TDRD9: variants seen among roughly 807,000 people sequenced by gnomAD.
TDRD9 encodes ATP-dependent RNA helicase TDRD9.
Under a neutral mutation model 172.6 loss-of-function variants are expected in TDRD9, and 124 were observed. That is an observed-to-expected ratio of 0.72 (90% CI 0.62 to 0.83). TDRD9 has a LOEUF of 0.83. Among genes scored for constraint, TDRD9 ranks in the 40% least tolerant of loss-of-function variants. TDRD9 has a pLI of 0.00. For missense variants in TDRD9, 1,479 were observed against 1,714.1 expected, an observed-to-expected ratio of 0.86 and a Z score of 2.42; for synonymous variants, 619 against 617.1, an observed-to-expected ratio of 1.00 and a Z score of -0.05.
Position 103,965,159 on chromosome 14 carries a change from C to T in TDRD9, c.421-174C>T, listed in dbSNP as rs142091194. Reference sequence around the variant, plus strand: ...CTCAGGAGACAGAGGTTGCAGTGAGCCGAGATTGCGCCCCTGCACTCCAGG... The same window carrying T: ...CTCAGGAGACAGAGGTTGCAGTGAGTCGAGATTGCGCCCCTGCACTCCAGG... On this transcript the variant is annotated intron_variant, in intron 3 of 35. Coordinates refer to ENST00000409874, the MANE Select transcript of TDRD9 (RefSeq NM_153046.3). Among the ~76,000 whole-genome samples the T allele has an allele frequency of 7.1e-3, 1,082 of 152,160 alleles. 11 individuals carry two copies. Among genetic ancestry groups the T allele is most frequent in the African/African-American group, 0.025 (1,019 of 41,510 alleles).
chr14:103,953,134 ATTG>A (rs1006664744), intron 1 of TDRD9, among the ~76,000 whole-genome samples: 17 of 152,164 alleles, frequency 1.1e-4, no homozygotes, highest in African/African-American at 3.9e-4. Context: ...AAAGTCAGAT[ATTG>A]TTATTTCTCT....
rs913468065 is a variant in TDRD9 at position 104,006,696 on chromosome 14, C to G, written c.1930C>G (p.Leu644Val). The G allele has an allele frequency of 1.9e-6, 3 of 1,613,806 alleles. No individual in the cohort carries two copies. The African/African-American group carries it at 4.0e-5, about 22-fold the overall frequency. Residue 644 changes from leucine to valine, a missense_variant, in exon 17 of 36, where the codon CTC (leucine) becomes GTC (valine). Around this residue, in one of 3 missense-constraint regions of TDRD9, gnomAD observed 1,413 missense variants for 1,649.1 expected, o/e 0.86. Transcript: ENST00000409874. ...NFFAMPFRQH[L>V]DGYRNKVNFS... is the part of the protein sequence containing the mutation. ...TTTTGCAATGCCTTTCCGGCAGCATCTCGATGGATATAGGTACTGAACATT... is the reference window on the plus strand; with the variant it reads ...TTTTGCAATGCCTTTCCGGCAGCATGTCGATGGATATAGGTACTGAACATT...
Position 103,965,390 on chromosome 14 carries a change from G to A in TDRD9, c.478G>A (p.Gly160Ser), listed in dbSNP as rs1292971815. 2 of 1,551,692 alleles carry A rather than the reference G, an allele frequency of 1.3e-6. No homozygotes were observed. Among genetic ancestry groups the A allele is most frequent in the Non-Finnish European group, 1.7e-6 (2 of 1,147,002 alleles). The change falls in exon 4 of 36, where the codon GGT becomes AGT. Residue 160 changes from glycine (G) to serine (S), a missense_variant. By Grantham distance (56) the Gly-to-Ser change is moderately conservative. Coordinates refer to ENST00000409874, the MANE Select transcript of TDRD9 (RefSeq NM_153046.3). ...GATTATCCATGGGGCCACGGGAAGC[G>A]GTAAAAGCACTCAGCTCCCGCAGTA... is the stretch of plus-strand genomic sequence containing the variant. ...VVIIHGATGS[G>S]KSTQLPQYIL...
intron 32 of TDRD9, among the ~76,000 whole-genome samples, chr14:104,039,721 T>C (rs1041717933): frequency 2.0e-5 from 3 of 152,190 alleles, no homozygotes; most frequent in African/African-American, 7.2e-5. Flanking sequence ...AAAACTGGGA[T>C]ACAAAACTTT....
chr14:103,979,282 C>T (rs192989656), intron 7 of TDRD9, among the ~76,000 whole-genome samples: 1 of 152,304 alleles, frequency 6.6e-6, no homozygotes, highest in African/African-American at 2.4e-5. Flanking sequence ...CTTTCTCCAT[C>T]TGTTGTACAC....
chr14:104,018,186 G>A lies in TDRD9; in HGVS notation c.2426G>A (p.Gly809Asp). The change falls in exon 23 of 36, where the codon GGT becomes GAT. Residue 809 changes from glycine to aspartate, a missense_variant. By Grantham distance (94) the Gly-to-Asp change is moderately conservative (BLOSUM62 -1). This residue lies in a region of TDRD9 where 1,413 missense variants were observed against 1,649.1 expected (regional missense o/e 0.86). Coordinates refer to ENST00000409874, the MANE Select transcript of TDRD9 (RefSeq NM_153046.3). ...CGQVKSIVFD[G>D]AKAFVEFSRN... ...CAAGTCAAATCCATTGTATTTGATG[G>A]TGCAAAGTAAGTATATTTTTGTAAT... 1 of 1,570,788 alleles carries A rather than the reference G, an allele frequency of 6.4e-7. No individual in the cohort carries two copies. Among genetic ancestry groups the A allele is most frequent in the Non-Finnish European group, 8.7e-7 (1 of 1,145,644 alleles).
chr14:104,044,119 G>A (rs1048098957), intron 34 of TDRD9, among the ~76,000 whole-genome samples: 5 of 152,070 alleles, frequency 3.3e-5, no homozygotes, highest in African/African-American at 9.7e-5. Context: ...CTTGTCTTCC[G>A]GGAGGTACCC....
intron 5 of TDRD9, among the ~76,000 whole-genome samples, chr14:103,968,223 G>A (rs2032839696): frequency 6.6e-6 from 1 of 152,222 alleles, no homozygotes; most frequent in African/African-American, 2.4e-5. Flanking sequence ...ACTGGGGAGC[G>A]GTAACCAACA....
intron 1 of TDRD9, among the ~76,000 whole-genome samples, chr14:103,948,769 G>A (rs2031708011): frequency 6.6e-6 from 1 of 151,844 alleles, no homozygotes; most frequent in Non-Finnish European, 1.5e-5. Context: ...TACTTAGGAG[G>A]CTGAGATGGG....
At chr14:103,930,117 C>T (rs2030278463) in intron 1 of TDRD9, among the ~76,000 whole-genome samples, 2 of 152,138 alleles carry the variant, frequency 1.3e-5, no homozygotes, top group African/African-American at 4.8e-5. Flanking sequence ...TGGAGTATCT[C>T]CGTCACTCTT....
At position 104,032,180 on chromosome 14, in the gene TDRD9, G is replaced by GTTGGAATGTGTTATCTTTTCTT. The variant is rs1213886495; in HGVS notation, c.3509+96_3509+117dup. The GTTGGAATGTGTTATCTTTTCTT allele has an allele frequency of 1.4e-5, 10 of 738,646 alleles. No homozygotes were observed. The African/African-American group carries it at 1.9e-4, about 14-fold the overall frequency. 45.8% of individuals were successfully genotyped at this position (738,646 alleles called of 1,614,324 possible). On this transcript the variant is annotated intron_variant, in intron 30 of 35. Transcript: ENST00000409874. ...AATAATGTATCTTTATATCTAAACT[G>GTTGGAATGTGTTATCTTTTCTT]TTGGAATGTGTTATCTTTTCTTTTC...
At chr14:103,954,379 T>A (rs1233499408) in intron 1 of TDRD9, among the ~76,000 whole-genome samples, 1 of 152,264 alleles carries the variant, frequency 6.6e-6, no homozygotes, top group Non-Finnish European at 1.5e-5. Flanking sequence ...GTATCTATTA[T>A]GTCTCCTTCA....
chr14:103,968,390 A>T (rs1416059127), intron 5 of TDRD9, among the ~76,000 whole-genome samples: 1 of 152,240 alleles, frequency 6.6e-6, no homozygotes, highest in East Asian at 1.9e-4. Context: ...CGTTTGCATT[A>T]TCTGGGATTA....
At chr14:104,008,339 A>G (rs1159772307) in intron 19 of TDRD9, 74 bp from the exon 20 acceptor site, 3 of 878,262 alleles carry the variant, frequency 3.4e-6, no homozygotes, top group Admixed American at 2.3e-5. Flanking sequence ...TGGATGAAAT[A>G]TGTATTAAAG....
intron 4 of TDRD9, among the ~76,000 whole-genome samples, 168 bp from the exon 5 acceptor site, chr14:103,966,541 A>G (rs893544708): frequency 9.9e-5 from 15 of 151,580 alleles, no homozygotes; most frequent in African/African-American, 3.6e-4. Context: ...CCTCCCCCCA[A>G]AAAAGAAGAA....
intron 23 of TDRD9, among the ~76,000 whole-genome samples, chr14:104,021,823 A>T (rs1203385049): frequency 1.3e-5 from 2 of 152,228 alleles, no homozygotes; most frequent in Non-Finnish European, 2.9e-5. Flanking sequence ...ATTCTGTTAT[A>T]ATCATGAAAA....
Position 104,040,331 on chromosome 14 carries a change from C to T in TDRD9, c.3852C>T (p.Val1284=), listed in dbSNP as rs1240441895. 10 of 1,548,912 alleles carry T rather than the reference C, an allele frequency of 6.5e-6. No individual in the cohort carries two copies. The East Asian group carries it at 7.3e-5, about 11-fold the overall frequency. The stretch of plus-strand genomic sequence containing the variant: ...TTCAATTCAGCGTGGAGGATGTCGT[C>T]GAGGTAAGGGTAGTGCAGCATCACG... ...FDVQFSVEDV[V]EVNILRAAIN... The change falls in exon 33 of 36, where the codon GTC becomes GTT. Residue 1284 remains valine (V), a synonymous_variant. Coordinates refer to ENST00000409874, the MANE Select transcript of TDRD9 (RefSeq NM_153046.3).
intron 1 of TDRD9, chr14:103,942,375 A>G (rs570060113): frequency 6.6e-6 from 1 of 152,372 alleles, no homozygotes; most frequent in East Asian, 1.9e-4. Context: ...CAAGTTATAT[A>G]ATGGTCTGCC....
rs544547868 is a variant in TDRD9, at chr14:103,966,915, C to G, written c.765+84C>G. 6 of 1,224,282 alleles carry G rather than the reference C, an allele frequency of 4.9e-6. No individual in the cohort carries two copies. The East Asian group carries it at 1.7e-4, about 35-fold the overall frequency. 75.8% of individuals were successfully genotyped at this position (1,224,282 alleles called of 1,614,324 possible). On this transcript the variant is annotated intron_variant, in intron 5 of 35. Transcript: ENST00000409874. ...AGTATTGTGAACCCTGTCTTTGTGC[C>G]TGTCTCAGCTTTCTTTATTTTTTCC...
Sources: gnomAD v4.1 joint callset for allele counts (sites outside exome capture counted in the v4.1 genomes callset) on GRCh38, gnomAD v4.1.1 for gene constraint, gnomAD v4.1.1 regional missense constraint, MANE v1.5 for transcripts, NCBI Gene and HGNC (gene_info 2026-07-23, HGNC 2026-07-21) for gene names.